DNAJC12: variants seen among roughly 807,000 people sequenced by gnomAD.
DNAJC12 encodes dnaJ homolog subfamily C member 12.
DNAJC12 carries 25 observed loss-of-function variants against 28.5 expected under a neutral mutation model. That is an observed-to-expected ratio of 0.88 (90% CI 0.64 to 1.22). The LOEUF (loss-of-function observed/expected upper bound fraction) is 1.22, where lower values mean the gene tolerates loss of function less well. Among genes scored for constraint, DNAJC12 ranks in the 50% most tolerant of loss-of-function variants. The pLI is 0.00. For missense variants in DNAJC12, 222 were observed against 231.7 expected, an observed-to-expected ratio of 0.96 and a Z score of 0.27; for synonymous variants, 77 against 80.6, an observed-to-expected ratio of 0.95 and a Z score of 0.24.
At chr10:67,803,348 A>G (rs1210847094) in intron 4 of DNAJC12, among the ~76,000 whole-genome samples, 3 of 152,168 alleles carry the variant, frequency 2.0e-5, no homozygotes. Context: ...TTTACTTTTA[A>G]AGCTCTCATA....
At chr10:67,816,691 A>C (rs996333778) in intron 2 of DNAJC12, among the ~76,000 whole-genome samples, 2 of 151,936 alleles carry the variant, frequency 1.3e-5, no homozygotes, top group African/African-American at 4.8e-5. Context: ...GATTACAGGC[A>C]CCCGCCACCA....
At chr10:67,828,287 ATGTG>A (rs1842057303) in intron 1 of DNAJC12, among the ~76,000 whole-genome samples, 1 of 152,240 alleles carries the variant, frequency 6.6e-6, no homozygotes, top group East Asian at 1.9e-4. Flanking sequence ...GTGTATATAT[ATGTG>A]TGTGTATCTA....
At chr10:67,815,508 CAAAAA>C (rs762037586) in intron 2 of DNAJC12, among the ~76,000 whole-genome samples, 12 of 65,770 alleles carry the variant, frequency 1.8e-4, no homozygotes, top group African/African-American at 5.4e-4. Flanking sequence ...TACTTCGTCT[CAAAAA>C]AAAAAAAAAA....
chr10:67,818,945 G>A (rs544881919), intron 2 of DNAJC12, among the ~76,000 whole-genome samples: 2 of 152,160 alleles, frequency 1.3e-5, no homozygotes, highest in South Asian at 4.2e-4. Flanking sequence ...ATTAGCCACC[G>A]AGCCCGATCT....
chr10:67,832,991 T>A (rs1160176060), intron 1 of DNAJC12, among the ~76,000 whole-genome samples: 1 of 152,104 alleles, frequency 6.6e-6, no homozygotes, highest in East Asian at 1.9e-4. Context: ...TGAGAAAATA[T>A]CAAAGTCAAA....
At chr10:67,806,715 C>T (rs1009098713) in intron 3 of DNAJC12, among the ~76,000 whole-genome samples, 14 of 151,794 alleles carry the variant, frequency 9.2e-5, no homozygotes. Flanking sequence ...ATCCCAGCTA[C>T]TCAGGAGGCT....
At chr10:67,812,100 C>T (rs1841866826) in intron 2 of DNAJC12, among the ~76,000 whole-genome samples, 2 of 151,908 alleles carry the variant, frequency 1.3e-5, no homozygotes, top group South Asian at 4.2e-4. Context: ...AAACTGAAGA[C>T]TATAAAGACT....
intron 1 of DNAJC12, among the ~76,000 whole-genome samples, chr10:67,832,856 C>T (rs1842107170): frequency 6.6e-6 from 1 of 152,168 alleles, no homozygotes; most frequent in Admixed American, 6.6e-5. Flanking sequence ...CAGACATCAC[C>T]TTAACGAAGT....
At chr10:67,799,244 A>G (rs940402017) in intron 4 of DNAJC12, among the ~76,000 whole-genome samples, 1 of 152,190 alleles carries the variant, frequency 6.6e-6, no homozygotes, top group African/African-American at 2.4e-5. Context: ...ATGTAGTCAG[A>G]AAAAGCATAT....
chr10:67,831,629 TAATTTCTG>T (rs765615371), intron 1 of DNAJC12, among the ~76,000 whole-genome samples: 5 of 152,242 alleles, frequency 3.3e-5, no homozygotes, highest in Non-Finnish European at 7.3e-5. Flanking sequence ...ATTCTTTCTT[TAATTTCTG>T]CTGCACTTAT....
At chr10:67,823,639 T>C (rs1842001825) in intron 1 of DNAJC12, among the ~76,000 whole-genome samples, 2 of 151,812 alleles carry the variant, frequency 1.3e-5, no homozygotes, top group Admixed American at 1.3e-4. Context: ...AGTTCAAGGC[T>C]GTAGTAAGCT....
At chr10:67,825,163 G>C (rs778112423) in intron 1 of DNAJC12, 5 of 152,172 alleles carry the variant, frequency 3.3e-5, no homozygotes, top group Admixed American at 1.3e-4. Flanking sequence ...CACAAAACCT[G>C]ATCATAATAA....
At chr10:67,810,767 A>G (rs1841851228) in intron 3 of DNAJC12, 1 of 152,214 alleles carries the variant, frequency 6.6e-6, no homozygotes, top group African/African-American at 2.4e-5. Flanking sequence ...CTATAATTTA[A>G]GAGATGTGAA....
At position 67,811,370 on chromosome 10, in the gene DNAJC12, A is replaced by G. The variant is rs542269849; in HGVS notation, c.297+154T>C. 1.2e-4 allele frequency: 183 copies of G among 1,485,524 alleles called. No homozygotes were observed. The South Asian group carries it at 2.4e-3, about 20-fold the overall frequency. The allele number at this position is 1,485,524 out of a possible 1,614,324, so 92.0% of individuals were successfully genotyped here. ...CCTTTATTCTGATGAGCTTCTCTTC[A>G]TGGGATTTACGGACACTGAATTATA... is the stretch of plus-strand genomic sequence containing the variant. On this transcript the variant is annotated intron_variant, in intron 3 of 4. Transcript: ENST00000225171.
At chr10:67,828,210 G>A (rs895001592) in intron 1 of DNAJC12, among the ~76,000 whole-genome samples, 3 of 152,132 alleles carry the variant, frequency 2.0e-5, no homozygotes, top group African/African-American at 7.2e-5. Context: ...TTCATGCTCT[G>A]CTGGCGAGGA....
At chr10:67,832,134 G>A (rs1240621170) in intron 1 of DNAJC12, among the ~76,000 whole-genome samples, 2 of 151,894 alleles carry the variant, frequency 1.3e-5, no homozygotes, top group Admixed American at 1.3e-4. Flanking sequence ...GTGTGGTGGC[G>A]CATGCCTGTA....
rs142085906 is a variant in DNAJC12, at chr10:67,804,121, A to T, written c.502+1462T>A. Among the ~76,000 whole-genome samples, 409 of 152,304 alleles carry T rather than the reference A, an allele frequency of 2.7e-3. 5 individuals carry two copies. In the South Asian group the frequency reaches 0.033, roughly 12 times the overall value. On this transcript the variant is annotated intron_variant, in intron 4 of 4. Coordinates refer to ENST00000225171, the MANE Select transcript of DNAJC12 (RefSeq NM_021800.3). The stretch of plus-strand genomic sequence containing the variant: ...AATTCTAATAGGGTGCTACATCACA[A>T]CCCTGAGAATCAACACATAATAATT...
intron 1 of DNAJC12, among the ~76,000 whole-genome samples, chr10:67,825,069 AG>A (rs1364551929): frequency 6.6e-6 from 1 of 152,154 alleles, no homozygotes; most frequent in Non-Finnish European, 1.5e-5. Context: ...TTCTGCTACA[AG>A]GCTTTAGGCA....
chr10:67,826,614 A>T (rs1457688429), intron 1 of DNAJC12, among the ~76,000 whole-genome samples: 1 of 133,680 alleles, frequency 7.5e-6, no homozygotes, highest in Admixed American at 8.0e-5. Context: ...ATCTAATGAT[A>T]TATATTATAT....
Sources: gnomAD v4.1 joint callset for allele counts (sites outside exome capture counted in the v4.1 genomes callset) on GRCh38, gnomAD v4.1.1 for gene constraint, MANE v1.5 for transcripts, NCBI Gene and HGNC (gene_info 2026-07-23, HGNC 2026-07-21) for gene names.